Variants in DSTN observed in about 807,000 individuals in gnomAD.
The protein encoded by DSTN is destrin.
DSTN carries 10 observed loss-of-function variants against 16.8 expected under a neutral mutation model. The observed-to-expected ratio is 0.60, with a 90% CI of 0.37 to 1.01. The LOEUF (loss-of-function observed/expected upper bound fraction) is 1.01. Ranked by LOEUF, DSTN falls within the 50% of genes least tolerant of loss-of-function variation. The probability of loss-of-function intolerance (pLI) is 0.01; values close to 1 mark genes in which losing one functional copy is unlikely to be tolerated. For synonymous variants in DSTN, 57 were observed against 58.9 expected (o/e 0.97, Z 0.14); for missense variants, 141 against 196.7 (o/e 0.72, Z 1.69).
chr20:17,595,898 A>G (rs2035521745), intron 1 of DSTN, among the ~76,000 whole-genome samples: 1 of 152,156 alleles, frequency 6.6e-6, no homozygotes, highest in African/African-American at 2.4e-5. Context: ...CTCCCCAATC[A>G]TAAGACAACT....
intron 1 of DSTN, chr20:17,596,746 GA>G: frequency 5.1e-6 from 5 of 985,198 alleles, no homozygotes; most frequent in Non-Finnish European, 6.0e-6. Flanking sequence ...ACTTCTGATA[GA>G]AAAAAAGACA....
chr20:17,581,247 G>A (rs759140468), intron 1 of DSTN, among the ~76,000 whole-genome samples: 7 of 152,262 alleles, frequency 4.6e-5, no homozygotes, highest in Admixed American at 4.6e-4. Flanking sequence ...TTGGGAGGCC[G>A]AGGTGAGAGG....
At chr20:17,590,706 A>C (rs932354528) in intron 1 of DSTN, among the ~76,000 whole-genome samples, 2 of 152,168 alleles carry the variant, frequency 1.3e-5, no homozygotes, top group Non-Finnish European at 2.9e-5. Context: ...AATATCAGTA[A>C]CTCTTAGAAA....
At chr20:17,583,683 T>TG (rs1189844489) in intron 1 of DSTN, among the ~76,000 whole-genome samples, 1 of 53,352 alleles carries the variant, frequency 1.9e-5, no homozygotes, top group East Asian at 4.7e-4. Flanking sequence ...TAGTAAGGGC[T>TG]GGGGTGGGTG....
chr20:17,607,073 A>G lies in DSTN; in HGVS notation c.425A>G (p.Asp142Gly). 1 of 1,613,888 alleles carries G rather than the reference A, an allele frequency of 6.2e-7. No homozygotes were observed. Among genetic ancestry groups the G allele is most frequent in the South Asian group, 1.1e-5 (1 of 91,052 alleles). The part of the protein sequence containing the change: ...KHECQANGPE[D>G]LNRACIAEKL... The stretch of plus-strand genomic sequence containing the variant: ...GAATGTCAAGCAAATGGACCAGAAG[A>G]TCTCAATCGGGCTTGTATTGCTGAA... Residue 142 changes from aspartate to glycine, a missense_variant, in exon 4 of 4, where the codon GAT (aspartate) becomes GGT (glycine). Physicochemically the swap from Asp to Gly is moderately conservative, Grantham distance 94. Transcript: ENST00000246069.
intron 1 of DSTN, among the ~76,000 whole-genome samples, chr20:17,578,469 C>CT (rs1347773312): frequency 6.6e-6 from 1 of 152,158 alleles, no homozygotes; most frequent in African/African-American, 2.4e-5. Flanking sequence ...TGATAATTTA[C>CT]TTTGAGTCTT....
chr20:17,598,054 T>C (rs189107405), intron 1 of DSTN, among the ~76,000 whole-genome samples: 1 of 152,314 alleles, frequency 6.6e-6, no homozygotes, highest in African/African-American at 2.4e-5. Flanking sequence ...AAATATTCCA[T>C]TGTGTGGATA....
chr20:17,606,904 G>T, intron 3 of DSTN, 133 bp from the exon 4 acceptor site: 1 of 698,952 alleles, frequency 1.4e-6, no homozygotes. Context: ...TCTCGTTACT[G>T]TGTAGTATTC....
At chr20:17,598,012 T>G (rs934543351) in intron 1 of DSTN, among the ~76,000 whole-genome samples, 8 of 149,656 alleles carry the variant, frequency 5.3e-5, no homozygotes, top group African/African-American at 1.5e-4. Context: ...CCTTGTAGCA[T>G]GTATCAGTAC....
intron 1 of DSTN, among the ~76,000 whole-genome samples, chr20:17,582,730 G>T (rs2035360238): frequency 6.6e-6 from 1 of 152,174 alleles, no homozygotes; most frequent in Non-Finnish European, 1.5e-5. Context: ...CTAAATGTGA[G>T]CACTAAAGCT....
Position 17,608,298 on chromosome 20 carries a change from G to C in DSTN, c.*1152G>C, listed in dbSNP as rs1023691960. ...GAATACAGGATTTTGCCTTCCATAT[G>C]GGGTAAGGCATTGAGGTTTGGGTAT... On this transcript the variant is annotated 3_prime_UTR_variant, in exon 4 of 4. Coordinates refer to ENST00000246069, the MANE Select transcript of DSTN (RefSeq NM_006870.4). 2.0e-5 allele frequency: 3 copies of C among 152,136 alleles called. No homozygotes were observed. Among genetic ancestry groups the C allele is most frequent in the Non-Finnish European group, 4.4e-5 (3 of 68,024 alleles). 9.4% of individuals were successfully genotyped at this position (152,136 alleles called of 1,614,324 possible).
intron 3 of DSTN, 36 bp from the exon 4 acceptor site, chr20:17,607,001 A>G: frequency 6.2e-7 from 1 of 1,605,052 alleles, no homozygotes; most frequent in East Asian, 2.2e-5. Context: ...AACTGCTGCC[A>G]TAATTGTAAA....
chr20:17,586,929 C>T (rs893590746), intron 1 of DSTN, among the ~76,000 whole-genome samples: 15 of 152,118 alleles, frequency 9.9e-5, no homozygotes, highest in African/African-American at 3.6e-4. Flanking sequence ...TGATTCAACC[C>T]TGTGGTACAC....
intron 3 of DSTN, 36 bp downstream of exon 3, chr20:17,604,667 T>A (rs766494053): frequency 6.3e-7 from 1 of 1,575,036 alleles, no homozygotes; most frequent in Non-Finnish European, 8.6e-7. Flanking sequence ...TGTAGAGGTA[T>A]GGTGAACACT....
chr20:17,577,024 A>C (rs2035286584), intron 1 of DSTN, among the ~76,000 whole-genome samples: 1 of 152,238 alleles, frequency 6.6e-6, no homozygotes, highest in African/African-American at 2.4e-5. Flanking sequence ...ACAAGTCAAA[A>C]TGCAGACAAA....
intron 1 of DSTN, among the ~76,000 whole-genome samples, chr20:17,573,193 C>T (rs1009980019): frequency 1.3e-5 from 2 of 152,196 alleles, no homozygotes; most frequent in African/African-American, 4.8e-5. Flanking sequence ...ATTGATAGTT[C>T]CATACTTTTA....
In DSTN at chr20:17,600,877, T is replaced by A. The variant is rs768882258; in HGVS notation, c.143T>A (p.Ile48Asn). 6.2e-7 allele frequency: 1 copy of A among 1,613,890 alleles called. No individual in the cohort carries two copies. The highest frequency in any genetic ancestry group is 2.2e-5 in the East Asian group (1 of 44,856). ...FCLSADKKCI[I>N]VEEGKEILVG... ...CTCAGTGCAGACAAAAAGTGCATCA[T>A]TGTAGAAGAAGGCAAAGAGATCTTG... The change falls in exon 2 of 4, where the codon ATT (isoleucine) becomes AAT (asparagine). Residue 48 changes from isoleucine (I) to asparagine (N), a missense_variant. Transcript: ENST00000246069.
At chr20:17,587,202 TAAA>T (rs11477352) in intron 1 of DSTN, among the ~76,000 whole-genome samples, 119 of 137,036 alleles carry the variant, frequency 8.7e-4, no homozygotes, top group East Asian at 6.2e-3. Flanking sequence ...TCTCAAGGAA[TAAA>T]AAAAAAAAAA....
chr20:17,581,306 A>C (rs7267578), intron 1 of DSTN, among the ~76,000 whole-genome samples: 14,096 of 151,972 alleles, frequency 0.093, 1,213 homozygotes, highest in African/African-American at 0.23. Flanking sequence ...CATAGAGAGA[A>C]CCCGTCTCTA....
Sources: gnomAD v4.1 joint callset for allele counts (sites outside exome capture counted in the v4.1 genomes callset) on GRCh38, gnomAD v4.1.1 for gene constraint, MANE v1.5 for transcripts, NCBI Gene and HGNC (gene_info 2026-07-23, HGNC 2026-07-21) for gene names.